NIM1K: variants seen among roughly 807,000 people sequenced by gnomAD.
NIM1K encodes NIM1 serine/threonine protein kinase.
In NIM1K, 35 loss-of-function variants were observed where a neutral mutation model predicts 37.1. That is an observed-to-expected ratio of 0.94 (90% CI 0.72 to 1.25). The LOEUF (loss-of-function observed/expected upper bound fraction) is 1.25. NIM1K is among the 50% of genes most tolerant of loss of function. The pLI, the probability that NIM1K is intolerant of heterozygous loss-of-function variation, is 0.00. For missense variants in NIM1K, 564 were observed against 548.0 expected (o/e 1.03, Z -0.29); for synonymous variants, 234 against 206.6 (o/e 1.13, Z -1.14).
At chr5:43,239,397 C>T (rs181172511) in intron 1 of NIM1K, among the ~76,000 whole-genome samples, 23 of 151,936 alleles carry the variant, frequency 1.5e-4, no homozygotes, top group Admixed American at 3.9e-4. Flanking sequence ...GCCACCATGC[C>T]GGGTTAATTT....
intron 1 of NIM1K, among the ~76,000 whole-genome samples, chr5:43,212,889 C>A (rs2112218657): frequency 1.3e-5 from 2 of 152,320 alleles, no homozygotes; most frequent in East Asian, 3.9e-4. Flanking sequence ...CAAACAAAAG[C>A]AAATTTAGAA....
At chr5:43,200,799 C>T (rs192360648) in intron 1 of NIM1K, among the ~76,000 whole-genome samples, 35 of 152,172 alleles carry the variant, frequency 2.3e-4, no homozygotes, top group South Asian at 1.2e-3. Context: ...AACACCAAGG[C>T]GAGAGAAGTA....
intron 1 of NIM1K, among the ~76,000 whole-genome samples, chr5:43,198,228 T>C (rs903490017): frequency 7.6e-6 from 1 of 131,174 alleles, no homozygotes; most frequent in African/African-American, 2.8e-5. Flanking sequence ...TTTCTTTCTT[T>C]CTTTCTTTCT....
At chr5:43,248,716 G>A (rs1579978564) in intron 2 of NIM1K, among the ~76,000 whole-genome samples, 4 of 152,174 alleles carry the variant, frequency 2.6e-5, no homozygotes, top group African/African-American at 9.6e-5. Context: ...AGGAGAGCCA[G>A]AGGTATAAGT....
At chr5:43,258,108 C>G (rs1752973578) in intron 2 of NIM1K, among the ~76,000 whole-genome samples, 3 of 152,206 alleles carry the variant, frequency 2.0e-5, no homozygotes, top group Admixed American at 2.0e-4. Context: ...CCATTCTATT[C>G]TCTACATCCT....
At position 43,232,398 on chromosome 5, in the gene NIM1K, G is replaced by A; in HGVS notation, c.-694-12684G>A. 3.5e-6 allele frequency: 5 copies of A among 1,429,636 alleles called. No individual in the cohort carries two copies. The South Asian group carries it at 4.6e-5, about 13-fold the overall frequency. 88.6% of individuals were successfully genotyped at this position (1,429,636 alleles called of 1,614,324 possible). ...AAGTGGATGGGGGGATAGGCCACCAGCTTGGTCTGGAATTCTGTCAGATCA... is the reference window on the plus strand; with the variant it reads ...AAGTGGATGGGGGGATAGGCCACCAACTTGGTCTGGAATTCTGTCAGATCA... On this transcript the variant is annotated intron_variant, in intron 1 of 3. Transcript: ENST00000326035.
At chr5:43,209,506 T>G (rs1752173220) in intron 1 of NIM1K, among the ~76,000 whole-genome samples, 1 of 152,006 alleles carries the variant, frequency 6.6e-6, no homozygotes. Flanking sequence ...ATAGAACAGT[T>G]GTTTGTGGTG....
intron 1 of NIM1K, among the ~76,000 whole-genome samples, chr5:43,213,245 T>C (rs60097311): frequency 6.7e-6 from 1 of 149,188 alleles, no homozygotes; most frequent in Admixed American, 6.7e-5. Context: ...TTCCTTTCTT[T>C]CTTTCTTGTT....
At chr5:43,266,246 C>A (rs1753153960) in intron 2 of NIM1K, among the ~76,000 whole-genome samples, 1 of 152,226 alleles carries the variant, frequency 6.6e-6, no homozygotes, top group Non-Finnish European at 1.5e-5. Context: ...AGGCTGGCCT[C>A]CTTGAGCTGT....
chr5:43,219,815 T>C (rs1161328662), intron 1 of NIM1K, among the ~76,000 whole-genome samples: 1 of 142,932 alleles, frequency 7.0e-6, no homozygotes, highest in Non-Finnish European at 1.5e-5. Context: ...CTCCGCCCCC[T>C]GGGTTCAAGC....
At chr5:43,262,493 T>A (rs1202970313) in intron 2 of NIM1K, among the ~76,000 whole-genome samples, 1 of 152,208 alleles carries the variant, frequency 6.6e-6, no homozygotes. Flanking sequence ...TTTATCAGCT[T>A]AAGGAGATTT....
At chr5:43,253,210 ATATGTG>A (rs1457084099) in intron 2 of NIM1K, among the ~76,000 whole-genome samples, 30 of 61,768 alleles carry the variant, frequency 4.9e-4, no homozygotes, top group South Asian at 4.5e-3. Context: ...ATAATATAAT[ATATGTG>A]TGTGTGTGTG....
At chr5:43,271,152 C>T (rs992725492) in intron 2 of NIM1K, among the ~76,000 whole-genome samples, 1 of 151,614 alleles carries the variant, frequency 6.6e-6, no homozygotes, top group Non-Finnish European at 1.5e-5. Context: ...ATGTGAAATA[C>T]CTTTTTATAG....
chr5:43,204,303 C>T (rs1342903441), intron 1 of NIM1K, among the ~76,000 whole-genome samples: 3 of 150,418 alleles, frequency 2.0e-5, no homozygotes, highest in Admixed American at 6.6e-5. Flanking sequence ...AGGCTGGTCT[C>T]GAACTCCTGA....
Position 43,245,896 on chromosome 5 carries a change from C to T in NIM1K, c.121C>T (p.Gln41Ter). Residue 41 changes from glutamine (Q) to a stop codon, truncating the protein, a stop_gained, in exon 2 of 4, where the codon CAG (glutamine) becomes TAG (stop). Transcript: ENST00000326035. LOFTEE classifies it high-confidence loss of function. Reference protein sequence around the residue: ...TESSKEGEEGQPRQLTPFEKL... With the variant: ...TESSKEGEEG ...GAGTAGCAAGGAGGGTGAGGAGGGA[C>T]AGCCCCGCCAGCTGACGCCCTTCGA... 3.1e-6 allele frequency: 5 copies of T among 1,614,104 alleles called. No homozygotes were observed. Among genetic ancestry groups the T allele is most frequent in the Non-Finnish European group, 3.4e-6 (4 of 1,180,000 alleles).
At chr5:43,252,407 A>G (rs1172709372) in intron 2 of NIM1K, among the ~76,000 whole-genome samples, 2 of 152,122 alleles carry the variant, frequency 1.3e-5, no homozygotes, top group African/African-American at 4.8e-5. Context: ...GAAAATAAAT[A>G]GCAGTTTGTA....
Position 43,246,750 on chromosome 5 carries a change from C to T in NIM1K, c.292+683C>T, listed in dbSNP as rs184950281. ...AAACTTTGAGATTCTGGACTAGCAG[C>T]GCCCAGCACTTTGGCCTCAGGGAGA... On this transcript the variant is annotated intron_variant, in intron 2 of 3. Transcript: ENST00000326035. 1.4e-4 allele frequency among the ~76,000 whole-genome samples: 22 copies of T among 152,296 alleles called. No individual in the cohort carries two copies. In the East Asian group the frequency reaches 3.3e-3, roughly 23 times the overall value.
chr5:43,212,739 C>A (rs531421405), intron 1 of NIM1K, among the ~76,000 whole-genome samples: 1 of 152,286 alleles, frequency 6.6e-6, no homozygotes, highest in South Asian at 2.1e-4. Flanking sequence ...CAGGCAGCAG[C>A]TAAATATATC....
At chr5:43,239,597 G>T (rs553394891) in intron 1 of NIM1K, among the ~76,000 whole-genome samples, 1 of 152,064 alleles carries the variant, frequency 6.6e-6, no homozygotes, top group South Asian at 2.1e-4. Context: ...CGCAATCTTG[G>T]CTCACTACAA....
Sources: allele counts gnomAD v4.1 joint callset (sites outside exome capture counted in the v4.1 genomes callset), GRCh38; gene constraint gnomAD v4.1.1; transcripts MANE v1.5; gene names NCBI Gene and HGNC (gene_info 2026-07-23, HGNC 2026-07-21).